Variants in UNC79 observed in about 807,000 individuals in gnomAD.
UNC79 encodes the protein unc-79 subunit of NALCN channel complex.
UNC79 carries 37 observed loss-of-function variants against 283.1 expected under a neutral mutation model. The ratio of observed to expected loss-of-function variants is 0.13; its 90% CI spans 0.10 to 0.17. The LOEUF is 0.17. UNC79 is among the 10% of genes least tolerant of loss of function. The probability of loss-of-function intolerance (pLI) is 1.00; values close to 1 mark genes in which losing one functional copy is unlikely to be tolerated. For synonymous variants in UNC79, 1,107 were observed against 1,200.2 expected (o/e 0.92, Z 1.61); for missense variants, 2,272 against 3,211.1 (o/e 0.71, Z 7.07).
intron 1 of UNC79, among the ~76,000 whole-genome samples, chr14:93,440,768 T>A (rs948421224): frequency 6.6e-6 from 1 of 152,110 alleles, no homozygotes; most frequent in South Asian, 2.1e-4. Flanking sequence ...GATTTCTAAT[T>A]TTATTGCCTT....
intron 26 of UNC79, 71 bp downstream of exon 26, chr14:93,603,489 A>G (rs1414585821): frequency 1.4e-5 from 22 of 1,529,412 alleles, no homozygotes; most frequent in Non-Finnish European, 1.9e-5. Flanking sequence ...GTCTTGTTGA[A>G]TGTTCACAGA....
chr14:93,400,521 T>C lies in UNC79; in HGVS notation c.-351+66998T>C, dbSNP rs529566308. Among the ~76,000 whole-genome samples the C allele has an allele frequency of 1.8e-3, 269 of 152,262 alleles. 1 individual carries two copies. The Middle Eastern group carries it at 0.031, about 17-fold the overall frequency. On this transcript the variant is annotated intron_variant, in intron 1 of 49. Transcript: ENST00000256339. ...GAAGGGGAAAATTCCTCTGAGTGAATTAATTAGAGAAGAATTCATGGATAA... is the reference window on the plus strand; with the variant it reads ...GAAGGGGAAAATTCCTCTGAGTGAACTAATTAGAGAAGAATTCATGGATAA...
At chr14:93,437,270 G>A (rs1273219696) in intron 1 of UNC79, 1 of 152,012 alleles carries the variant, frequency 6.6e-6, no homozygotes, top group East Asian at 1.9e-4. Flanking sequence ...TGCCTACTAG[G>A]TACTAGGCAC....
chr14:93,345,163 C>G (rs1462614836), intron 1 of UNC79, among the ~76,000 whole-genome samples: 2 of 152,172 alleles, frequency 1.3e-5, no homozygotes, highest in Non-Finnish European at 2.9e-5. Flanking sequence ...ACAACCAGAA[C>G]AAGGAAGTGG....
chr14:93,349,721 T>C (rs543648627), intron 1 of UNC79, among the ~76,000 whole-genome samples: 4 of 152,342 alleles, frequency 2.6e-5, no homozygotes, highest in East Asian at 3.9e-4. Flanking sequence ...CTCACACCAA[T>C]TATTTTATAT....
intron 27 of UNC79, among the ~76,000 whole-genome samples, chr14:93,616,289 A>G (rs931863014): frequency 6.6e-6 from 1 of 151,418 alleles, no homozygotes; most frequent in African/African-American, 2.4e-5. Flanking sequence ...ATTTTGGAAC[A>G]CTTGTCTGAT....
intron 14 of UNC79, among the ~76,000 whole-genome samples, chr14:93,558,331 C>T (rs1026314953): frequency 1.3e-5 from 2 of 152,076 alleles, no homozygotes; most frequent in African/African-American, 4.8e-5. Flanking sequence ...CTGAGGCGGG[C>T]AGATCATGAG....
At chr14:93,347,467 G>A (rs1381398413) in intron 1 of UNC79, 4 of 1,375,916 alleles carry the variant, frequency 2.9e-6, no homozygotes, top group Admixed American at 6.8e-5. Flanking sequence ...CGGGTGGGGA[G>A]AAGGGAGGAC....
At chr14:93,699,148 T>A (rs984918258) in intron 47 of UNC79, among the ~76,000 whole-genome samples, 3 of 152,222 alleles carry the variant, frequency 2.0e-5, no homozygotes, top group African/African-American at 7.2e-5. Flanking sequence ...AGTCTCTTCC[T>A]TTTGATTGAG....
chr14:93,512,279 G>A (rs2059861871), intron 7 of UNC79, among the ~76,000 whole-genome samples: 1 of 152,060 alleles, frequency 6.6e-6, no homozygotes, highest in Non-Finnish European at 1.5e-5. Context: ...ACCTCTGAAT[G>A]TAGTATGATA....
At chr14:93,457,299 G>A (rs1179501299) in intron 1 of UNC79, among the ~76,000 whole-genome samples, 1 of 152,210 alleles carries the variant, frequency 6.6e-6, no homozygotes, top group Non-Finnish European at 1.5e-5. Context: ...CAGCCATTGA[G>A]TTAATAATTA....
intron 22 of UNC79, among the ~76,000 whole-genome samples, chr14:93,588,151 G>C (rs1461482280): frequency 1.3e-5 from 2 of 152,158 alleles, no homozygotes; most frequent in Non-Finnish European, 2.9e-5. Context: ...GGAGAAGTAG[G>C]TTGGGACCCA....
At chr14:93,444,649 T>C (rs2056409971) in intron 1 of UNC79, among the ~76,000 whole-genome samples, 1 of 152,162 alleles carries the variant, frequency 6.6e-6, no homozygotes, top group African/African-American at 2.4e-5. Flanking sequence ...CCATGTACGA[T>C]ATCCAGTTGT....
intron 1 of UNC79, among the ~76,000 whole-genome samples, chr14:93,442,211 A>C (rs1370998984): frequency 6.6e-6 from 1 of 152,086 alleles, no homozygotes. Flanking sequence ...TGTCCTTTCA[A>C]TAAGTTCAAG....
intron 7 of UNC79, among the ~76,000 whole-genome samples, chr14:93,520,406 C>G (rs1007717683): frequency 4.6e-5 from 7 of 151,440 alleles, no homozygotes; most frequent in African/African-American, 1.7e-4. Context: ...TTTATCTTGC[C>G]TAGGATTCAT....
intron 11 of UNC79, among the ~76,000 whole-genome samples, chr14:93,534,587 T>A (rs1378506796): frequency 1.3e-5 from 2 of 152,212 alleles, no homozygotes; most frequent in African/African-American, 4.8e-5. Flanking sequence ...AGAGCCTCAA[T>A]TAGACATCGC....
intron 45 of UNC79, chr14:93,691,363 A>G (rs1424368424): frequency 7.5e-6 from 2 of 265,522 alleles, no homozygotes; most frequent in Admixed American, 4.6e-5. Context: ...CTTTACTCCC[A>G]TGCTTTGAAG....
At chr14:93,425,663 T>G (rs2055709723), upstream of UNC79, among the ~76,000 whole-genome samples, 1 of 152,168 alleles carries the variant, frequency 6.6e-6, no homozygotes, top group Non-Finnish European at 1.5e-5. Context: ...AAGATGCTAC[T>G]TATTCATAGG....
At chr14:93,638,946 G>A (rs1245258457) in intron 32 of UNC79, among the ~76,000 whole-genome samples, 1 of 152,146 alleles carries the variant, frequency 6.6e-6, no homozygotes, top group Non-Finnish European at 1.5e-5. Flanking sequence ...TCCAATAACT[G>A]AACCTGTCTG....
Sources: gnomAD v4.1 joint callset for allele counts (sites outside exome capture counted in the v4.1 genomes callset) on GRCh38, gnomAD v4.1.1 for gene constraint, MANE v1.5 for transcripts, NCBI Gene and HGNC (gene_info 2026-07-23, HGNC 2026-07-21) for gene names.